Variants in RASGRF2 observed in about 807,000 individuals in gnomAD.
RASGRF2 encodes the protein ras-specific guanine nucleotide-releasing factor 2.
Under a neutral mutation model 151.0 loss-of-function variants are expected in RASGRF2, and 76 were observed. The ratio of observed to expected loss-of-function variants is 0.50; its 90% CI spans 0.42 to 0.61. RASGRF2 has a LOEUF of 0.61. Ranked by LOEUF, RASGRF2 falls within the 20% of genes least tolerant of loss-of-function variation. The pLI is 0.00. For synonymous variants in RASGRF2, 504 were observed against 566.5 expected (o/e 0.89, Z 1.57); for missense variants, 1,148 against 1,564.6 (o/e 0.73, Z 4.49).
chr5:81,122,386 A>AT (rs147756380), intron 15 of RASGRF2, among the ~76,000 whole-genome samples: 7,648 of 152,068 alleles, frequency 0.05, 600 homozygotes, highest in African/African-American at 0.16. Context: ...CTAAGCACTG[A>AT]TTTTTTTTGT....
intron 17 of RASGRF2, among the ~76,000 whole-genome samples, chr5:81,177,260 A>AT (rs1754796299): frequency 6.6e-6 from 1 of 152,168 alleles, no homozygotes; most frequent in Admixed American, 6.5e-5. Context: ...TTTAATAACA[A>AT]AAGATTTTTT....
intron 15 of RASGRF2, among the ~76,000 whole-genome samples, chr5:81,120,374 C>T (rs887424481): frequency 3.9e-5 from 6 of 151,924 alleles, no homozygotes; most frequent in Admixed American, 6.6e-5. Flanking sequence ...CCTAGGAATT[C>T]GAGACCAGCC....
At chr5:81,081,656 G>A (rs1752089960) in intron 7 of RASGRF2, among the ~76,000 whole-genome samples, 1 of 152,188 alleles carries the variant, frequency 6.6e-6, no homozygotes. Context: ...TGGTTACTGT[G>A]GAGCGCTTTG....
At chr5:81,104,847 G>C (rs185913507) in intron 12 of RASGRF2, among the ~76,000 whole-genome samples, 47 of 152,270 alleles carry the variant, frequency 3.1e-4, no homozygotes, top group African/African-American at 1.0e-3. Flanking sequence ...CTTATGTTGG[G>C]AACAGGAGAA....
intron 20 of RASGRF2, 113 bp from the exon 21 acceptor site, chr5:81,207,133 T>G: frequency 2.1e-6 from 2 of 940,924 alleles, no homozygotes; most frequent in Non-Finnish European, 3.3e-6. Flanking sequence ...ATAGTTAGAA[T>G]TTAGTGGTGA....
chr5:81,215,566 C>T (rs1343512878), intron 23 of RASGRF2, among the ~76,000 whole-genome samples: 2 of 152,140 alleles, frequency 1.3e-5, no homozygotes, highest in South Asian at 2.1e-4. Flanking sequence ...CCACTGCACC[C>T]GGCCTACTTG....
intron 1 of RASGRF2, among the ~76,000 whole-genome samples, chr5:81,024,753 AG>A (rs2112345354): frequency 6.6e-6 from 1 of 152,310 alleles, no homozygotes; most frequent in Admixed American, 6.5e-5. Context: ...AGTCTTGGGC[AG>A]GCCCAGTGTA....
At chr5:81,096,657 T>G (rs1682852279) in intron 12 of RASGRF2, among the ~76,000 whole-genome samples, 1 of 152,154 alleles carries the variant, frequency 6.6e-6, no homozygotes, top group Non-Finnish European at 1.5e-5. Flanking sequence ...GTGACCTTCT[T>G]TAGCATGACT....
chr5:80,993,639 A>T (rs1315527274), intron 1 of RASGRF2, among the ~76,000 whole-genome samples: 1 of 152,224 alleles, frequency 6.6e-6, no homozygotes, highest in Non-Finnish European at 1.5e-5. Context: ...GGCCTAGTGC[A>T]GTGCCCAGGG....
intron 1 of RASGRF2, among the ~76,000 whole-genome samples, chr5:81,011,249 C>A (rs1749449302): frequency 2.0e-5 from 3 of 151,330 alleles, no homozygotes; most frequent in Non-Finnish European, 4.4e-5. Flanking sequence ...ATTGCCTGTC[C>A]TATTTATGTT....
intron 17 of RASGRF2, among the ~76,000 whole-genome samples, chr5:81,135,144 CAA>C (rs111886459): frequency 2.4e-4 from 33 of 135,126 alleles, no homozygotes; most frequent in African/African-American, 7.6e-4. Flanking sequence ...CCATTTCTAC[CAA>C]AAAAAAAAAA....
chr5:81,202,276 C>G (rs1755414664), intron 19 of RASGRF2, among the ~76,000 whole-genome samples: 2 of 152,202 alleles, frequency 1.3e-5, no homozygotes, highest in South Asian at 4.1e-4. Flanking sequence ...TCTGGTACTT[C>G]TTTACCACTC....
At chr5:81,175,232 C>T (rs1001119673) in intron 17 of RASGRF2, among the ~76,000 whole-genome samples, 1 of 152,158 alleles carries the variant, frequency 6.6e-6, no homozygotes, top group Non-Finnish European at 1.5e-5. Context: ...ATATTTAGCA[C>T]TTGGTGGGCA....
intron 1 of RASGRF2, among the ~76,000 whole-genome samples, chr5:80,983,968 G>A (rs1368617059): frequency 6.6e-6 from 1 of 152,176 alleles, no homozygotes; most frequent in Non-Finnish European, 1.5e-5. Context: ...CTGTTGTCCA[G>A]TGCTGATCTA....
intron 8 of RASGRF2, 48 bp from the exon 9 acceptor site, chr5:81,086,787 G>A (rs1421653794): frequency 6.8e-7 from 1 of 1,481,466 alleles, no homozygotes; most frequent in East Asian, 2.3e-5. Flanking sequence ...ACATGCTAGG[G>A]CAAGAGAAAA....
chr5:81,025,832 A>G (rs908335751), intron 1 of RASGRF2, among the ~76,000 whole-genome samples: 27 of 152,116 alleles, frequency 1.8e-4, no homozygotes, highest in African/African-American at 6.5e-4. Flanking sequence ...GTCTTTTGCT[A>G]CCTCAGATTA....
intron 5 of RASGRF2, among the ~76,000 whole-genome samples, chr5:81,079,529 CTT>C (rs1475977152): frequency 5.3e-5 from 8 of 152,160 alleles, no homozygotes; most frequent in African/African-American, 1.9e-4. Context: ...GATGTTTTGA[CTT>C]TGGTAATTAC....
rs1421737369 is a variant in RASGRF2 at position 81,033,710 on chromosome 5, G to A, written c.289-9167G>A. On this transcript the variant is annotated intron_variant, in intron 1 of 26. Coordinates refer to ENST00000265080, the MANE Select transcript of RASGRF2 (RefSeq NM_006909.3). ...CATAAAAACCCTAGAAGAAAACCTA[G>A]GCAGTACCATTCAGGACATAGGCAT... is the stretch of plus-strand genomic sequence containing the variant. 4.6e-5 allele frequency among the ~76,000 whole-genome samples: 7 copies of A among 152,134 alleles called. 1 individual carries two copies. The highest frequency in any genetic ancestry group is 3.3e-4 in the Admixed American group (5 of 15,268).
At chr5:81,033,821 T>C (rs1303182547) in intron 1 of RASGRF2, among the ~76,000 whole-genome samples, 1 of 152,150 alleles carries the variant, frequency 6.6e-6, no homozygotes, top group African/African-American at 2.4e-5. Context: ...ACTAAAGAAC[T>C]TCTGCACAGC....
Sources: allele counts gnomAD v4.1 joint callset (sites outside exome capture counted in the v4.1 genomes callset), GRCh38; gene constraint gnomAD v4.1.1; transcripts MANE v1.5; gene names NCBI Gene and HGNC (gene_info 2026-07-23, HGNC 2026-07-21).